Variants in SPATA31C1 observed in about 807,000 individuals in gnomAD.
SPATA31C1 encodes the protein SPATA31 subfamily C member 1, also known as spermatogenesis-associated protein 31C1.
exon 5 of SPATA31C1, chr9:87,921,789 C>G: frequency 6.2e-7 from 1 of 1,612,044 alleles, no homozygotes; most frequent in Non-Finnish European, 8.5e-7. Flanking sequence ...TCTAGCAGCC[C>G]CGAAAAGTAG....
chr9:87,922,035 G>C (rs768663489), exon 5 of SPATA31C1: 3 of 1,613,894 alleles, frequency 1.9e-6, no homozygotes, highest in Admixed American at 1.7e-5. Context: ...AGTTGAGGTG[G>C]CCACGCTCCT....
chr9:87,919,154 G>A, intron 2 of SPATA31C1, 101 bp from the exon 2 acceptor site: 1 of 1,544,198 alleles, frequency 6.5e-7, no homozygotes. Context: ...AGCTCCCTGA[G>A]CAAGACAGAC....
chr9:87,920,981 G>A, exon 5 of SPATA31C1: 1 of 1,612,924 alleles, frequency 6.2e-7, no homozygotes, highest in Non-Finnish European at 8.5e-7. Context: ...CTCAGGCCGA[G>A]GCTCAGGCCC....
Position 87,922,120 on chromosome 9 carries a change from A to G in SPATA31C1, n.2510A>G, listed in dbSNP as rs755504190. Reference sequence around the variant, plus strand: ...TCTGTTCACATGCCAGAGAGGCTTCAGGCCTCCTCACCTGCATGTAAGCAG... The same window carrying G: ...TCTGTTCACATGCCAGAGAGGCTTCGGGCCTCCTCACCTGCATGTAAGCAG... On this transcript the variant is annotated non_coding_transcript_exon_variant, in exon 5 of 5. Coordinates refer to ENST00000420021, the Ensembl canonical transcript of SPATA31C1. 5 of 1,613,734 alleles carry G rather than the reference A, an allele frequency of 3.1e-6. No individual in the cohort carries two copies. The East Asian group carries it at 1.1e-4, about 36-fold the overall frequency.
exon 5 of SPATA31C1, chr9:87,922,691 G>T: frequency 6.2e-7 from 1 of 1,607,688 alleles, no homozygotes; most frequent in East Asian, 2.2e-5. Flanking sequence ...GTGACCTCAT[G>T]TCAGCCAGAA....
exon 5 of SPATA31C1, chr9:87,921,211 A>G (rs535482630): frequency 6.2e-7 from 1 of 1,611,856 alleles, no homozygotes; most frequent in African/African-American, 1.3e-5. Flanking sequence ...TCCACTCCTA[A>G]CCTTCCCCAG....
At chr9:87,920,480 C>A (rs770278460) in exon 5 of SPATA31C1, 95 of 1,613,842 alleles carry the variant, frequency 5.9e-5, no homozygotes, top group Non-Finnish European at 7.9e-5. Context: ...CCTCAGTCTC[C>A]TCCCTAAGTG....
exon 5 of SPATA31C1, chr9:87,921,817 C>A (rs1276416718): frequency 1.2e-6 from 2 of 1,612,078 alleles, no homozygotes; most frequent in Non-Finnish European, 8.5e-7. Context: ...TGTGTAAACA[C>A]AGCCCAGGTG....
At chr9:87,921,689 C>G (rs531332675) in exon 5 of SPATA31C1, 8 of 1,612,044 alleles carry the variant, frequency 5.0e-6, no homozygotes, top group Non-Finnish European at 6.8e-6. Context: ...GCCAGACCAA[C>G]GAGGGCTTGA....
exon 5 of SPATA31C1, chr9:87,922,854 C>T (rs374819681): frequency 1.2e-6 from 2 of 1,606,120 alleles, no homozygotes; most frequent in African/African-American, 1.3e-5. Context: ...ATTGAGGACT[C>T]CTCAACTTAC....
chr9:87,922,310 A>G, exon 5 of SPATA31C1: 1 of 1,611,736 alleles, frequency 6.2e-7, no homozygotes, highest in Non-Finnish European at 8.5e-7. Flanking sequence ...CAAGGGCTGG[A>G]GAGACCAGGG....
At chr9:87,920,570 C>T (rs1475447595) in exon 5 of SPATA31C1, 4 of 1,613,666 alleles carry the variant, frequency 2.5e-6, no homozygotes, top group South Asian at 1.1e-5. Context: ...ACCCACCACA[C>T]ACCCCTGATC....
At chr9:87,921,042 A>T in exon 5 of SPATA31C1, 1 of 1,611,670 alleles carries the variant, frequency 6.2e-7, no homozygotes, top group Non-Finnish European at 8.5e-7. Context: ...ATCCCCGATG[A>T]AGAACACTGG....
chr9:87,917,303 G>C (rs1416013835), intron 1 of SPATA31C1, among the ~76,000 whole-genome samples: 3 of 146,524 alleles, frequency 2.0e-5, no homozygotes, highest in African/African-American at 7.3e-5. Context: ...TGTAGTCCCA[G>C]CTACTCAGGA....
intron 2 of SPATA31C1, 144 bp from the exon 2 acceptor site, chr9:87,919,111 T>C: frequency 1.5e-6 from 2 of 1,299,196 alleles, no homozygotes; most frequent in Non-Finnish European, 2.1e-6. Flanking sequence ...TATCATCCAT[T>C]TAAACATGAG....
At position 87,916,172 on chromosome 9, in the gene SPATA31C1, A is replaced by G. The variant is rs1317907777; in HGVS notation, n.189+1462A>G. Among the ~76,000 whole-genome samples the G allele has an allele frequency of 7.0e-5, 10 of 141,888 alleles. 2 individuals are homozygous for G. The South Asian group carries it at 9.7e-4, about 14-fold the overall frequency. 93.1% of individuals were successfully genotyped at this position (141,888 alleles called of 152,430 possible). A position where few individuals can be genotyped will look rare whatever the true frequency, so the allele number is the denominator to read the frequency against. On this transcript the variant is annotated intron_variant and non_coding_transcript_variant, in intron 1 of 4. Coordinates refer to ENST00000420021, the Ensembl canonical transcript of SPATA31C1. ...AGCCATGCCAGAGTGATCAGATATCACCTGGGGATGGTAGACAATAAGAAA... is the reference window on the plus strand; with the variant it reads ...AGCCATGCCAGAGTGATCAGATATCGCCTGGGGATGGTAGACAATAAGAAA...
exon 5 of SPATA31C1, chr9:87,922,478 C>G (rs1332198562): frequency 6.2e-7 from 1 of 1,610,438 alleles, no homozygotes; most frequent in Non-Finnish European, 8.5e-7. Flanking sequence ...AGCTGTGTCT[C>G]ATGGAGGAGG....
intron 1 of SPATA31C1, among the ~76,000 whole-genome samples, chr9:87,915,307 GTGTT>G (rs1828691233): frequency 7.4e-6 from 1 of 134,390 alleles, no homozygotes; most frequent in Non-Finnish European, 1.6e-5. Context: ...GTGTGCGTGT[GTGTT>G]TGTGTGTTAT....
chr9:87,920,392 C>T (rs1447366602), exon 5 of SPATA31C1: 2 of 1,613,988 alleles, frequency 1.2e-6, no homozygotes, highest in African/African-American at 1.3e-5. Flanking sequence ...CCCATTGTCT[C>T]CCCGTTAGCT....
Sources: gnomAD v4.1 joint callset for allele counts (sites outside exome capture counted in the v4.1 genomes callset) on GRCh38, gnomAD v4.1.1 for gene constraint, MANE v1.5 for transcripts, NCBI Gene and HGNC (gene_info 2026-07-23, HGNC 2026-07-21) for gene names.